The following CTNNA3 variants were observed in gnomAD, a reference collection of about 807,000 sequenced individuals.
CTNNA3 encodes the protein catenin alpha 3.
CTNNA3 carries 76 observed loss-of-function variants against 95.7 expected under a neutral mutation model. That is an observed-to-expected ratio of 0.79 (90% CI 0.66 to 0.96). The LOEUF is 0.96. Among genes scored for constraint, CTNNA3 ranks in the 40% least tolerant of loss-of-function variants. The pLI, the probability that CTNNA3 is intolerant of heterozygous loss-of-function variation, is 0.00. For missense variants in CTNNA3, 1,191 were observed against 1,089.8 expected, an observed-to-expected ratio of 1.09 and a Z score of -1.31; for synonymous variants, 431 against 374.4, an observed-to-expected ratio of 1.15 and a Z score of -1.74.
chr10:67,155,529 A>ATGTG (rs142928094), intron 7 of CTNNA3, among the ~76,000 whole-genome samples: 1,337 of 24,746 alleles, frequency 0.054, 57 homozygotes, highest in East Asian at 0.24. Context: ...GTATTAATAT[A>ATGTG]TGTGTGTGTG....
intron 7 of CTNNA3, among the ~76,000 whole-genome samples, chr10:66,815,888 A>G (rs774080228): frequency 6.6e-6 from 1 of 152,204 alleles, no homozygotes; most frequent in Non-Finnish European, 1.5e-5. Context: ...TAAGACAGTA[A>G]CTTGAATTCA....
chr10:67,300,352 C>A (rs553485266), intron 5 of CTNNA3, among the ~76,000 whole-genome samples: 1 of 152,298 alleles, frequency 6.6e-6, no homozygotes, highest in South Asian at 2.1e-4. Context: ...AAACTCAGTT[C>A]CATTATGGCA....
chr10:66,239,742 A>T (rs1381108166), intron 13 of CTNNA3, among the ~76,000 whole-genome samples: 1 of 151,804 alleles, frequency 6.6e-6, no homozygotes, highest in East Asian at 1.9e-4. Context: ...ATTCTCTTTC[A>T]ACTATGCGCA....
At chr10:67,755,866 T>C (rs1389408139) in intron 1 of CTNNA3, among the ~76,000 whole-genome samples, 2 of 149,728 alleles carry the variant, frequency 1.3e-5, no homozygotes, top group Non-Finnish European at 1.5e-5. Context: ...AAAAGATATA[T>C]GCACTCCCAT....
intron 6 of CTNNA3, among the ~76,000 whole-genome samples, chr10:67,193,662 G>T (rs991949719): frequency 3.9e-5 from 6 of 152,142 alleles, no homozygotes; most frequent in Middle Eastern, 3.4e-3. Context: ...TCCTGCAAAG[G>T]ACATAATCTC....
At chr10:66,930,643 T>C (rs1669812049) in intron 7 of CTNNA3, among the ~76,000 whole-genome samples, 1 of 152,170 alleles carries the variant, frequency 6.6e-6, no homozygotes, top group East Asian at 1.9e-4. Context: ...AAATTCTCAA[T>C]GCCATGGTGC....
intron 5 of CTNNA3, among the ~76,000 whole-genome samples, chr10:67,452,446 A>T (rs1445316777): frequency 6.6e-6 from 1 of 152,196 alleles, no homozygotes; most frequent in African/African-American, 2.4e-5. Context: ...AATAGTATTT[A>T]TGTGTGAGCA....
chr10:66,547,343 C>CTTTTTTTTTTTTTTTTTTTTTTTTTTT lies in CTNNA3; in HGVS notation c.1375-26571_1375-26570insAAAAAAAAAAAAAAAAAAAAAAAAAAA. The stretch of plus-strand genomic sequence containing the variant: ...ATTCTTGTTCCTTTGATTTTTCTTT[C>CTTTTTTTTTTTTTTTTTTTTTTTTTTT]TTTCTTTTTTTTTTTTTTGAGATAG... On this transcript the variant is annotated intron_variant, in intron 10 of 17. Coordinates refer to ENST00000433211, the MANE Select transcript of CTNNA3 (RefSeq NM_013266.4). 2.5e-3 allele frequency among the ~76,000 whole-genome samples: 206 copies of CTTTTTTTTTTTTTTTTTTTTTTTTTTT among 83,172 alleles called. 76 individuals are homozygous for CTTTTTTTTTTTTTTTTTTTTTTTTTTT. Among genetic ancestry groups the CTTTTTTTTTTTTTTTTTTTTTTTTTTT allele is most frequent in the East Asian group, 0.014 (32 of 2,304 alleles). The allele number at this position is 83,172 out of a possible 152,430, so 54.6% of individuals were successfully genotyped here.
At chr10:67,514,779 C>A (rs1048386468) in intron 5 of CTNNA3, among the ~76,000 whole-genome samples, 1 of 150,770 alleles carries the variant, frequency 6.6e-6, no homozygotes, top group African/African-American at 2.4e-5. Flanking sequence ...TTGAAACAAC[C>A]CATAACAAAG....
At chr10:66,685,290 T>TAC (rs1847232280) in intron 9 of CTNNA3, among the ~76,000 whole-genome samples, 1 of 73,086 alleles carries the variant, frequency 1.4e-5, no homozygotes, top group African/African-American at 7.7e-5. Flanking sequence ...TATAAGTATA[T>TAC]ATATGTGTGT....
chr10:66,671,969 T>C (rs1304129383), intron 9 of CTNNA3, among the ~76,000 whole-genome samples: 1 of 152,180 alleles, frequency 6.6e-6, no homozygotes, highest in Admixed American at 6.6e-5. Context: ...CTTGAAGTGA[T>C]GTCCAATGTT....
intron 6 of CTNNA3, among the ~76,000 whole-genome samples, chr10:67,205,063 T>G (rs1175106358): frequency 6.6e-6 from 1 of 152,224 alleles, no homozygotes; most frequent in African/African-American, 2.4e-5. Context: ...TTCAGGATCC[T>G]CATCTCTTCG....
chr10:66,870,804 T>C (rs1844369601), intron 7 of CTNNA3, among the ~76,000 whole-genome samples: 1 of 152,190 alleles, frequency 6.6e-6, no homozygotes, highest in South Asian at 2.1e-4. Context: ...CATTTGTTTA[T>C]GATTTTCTTT....
chr10:66,508,180 GT>G (rs761851664), intron 11 of CTNNA3, among the ~76,000 whole-genome samples: 24 of 114,662 alleles, frequency 2.1e-4, no homozygotes, highest in East Asian at 5.2e-4. Flanking sequence ...AGCAGCTCTT[GT>G]TTTTTTTTTT....
At chr10:67,231,229 GACAA>G (rs902493089) in intron 5 of CTNNA3, among the ~76,000 whole-genome samples, 6 of 152,254 alleles carry the variant, frequency 3.9e-5, no homozygotes, top group Non-Finnish European at 8.8e-5. Context: ...GCAGCGCACA[GACAA>G]ACAGAAAGAC....
intron 11 of CTNNA3, among the ~76,000 whole-genome samples, chr10:66,405,268 G>A (rs1044977833): frequency 6.6e-6 from 1 of 152,098 alleles, no homozygotes; most frequent in African/African-American, 2.4e-5. Flanking sequence ...GCTTGACACA[G>A]AAAACTATGG....
At chr10:66,862,277 T>C (rs1843969720) in intron 7 of CTNNA3, among the ~76,000 whole-genome samples, 1 of 152,164 alleles carries the variant, frequency 6.6e-6, no homozygotes, top group Non-Finnish European at 1.5e-5. Flanking sequence ...CTTAAAATCT[T>C]AACTCCTGTT....
At chr10:66,780,199 A>C (rs1013761698) in intron 7 of CTNNA3, among the ~76,000 whole-genome samples, 4 of 152,096 alleles carry the variant, frequency 2.6e-5, no homozygotes, top group African/African-American at 9.7e-5. Context: ...GACAACTGGG[A>C]GTCATAGAAG....
chr10:67,158,929 C>T (rs1861421084), intron 7 of CTNNA3, among the ~76,000 whole-genome samples: 1 of 151,520 alleles, frequency 6.6e-6, no homozygotes. Flanking sequence ...AGAGAGAGAC[C>T]CTCTCATATT....
Sources: allele counts gnomAD v4.1 joint callset (sites outside exome capture counted in the v4.1 genomes callset), GRCh38; gene constraint gnomAD v4.1.1; transcripts MANE v1.5; gene names NCBI Gene and HGNC (gene_info 2026-07-23, HGNC 2026-07-21).